The following CNBD1 variants were observed in gnomAD, a reference collection of about 807,000 sequenced individuals.
CNBD1 encodes the protein cyclic nucleotide binding domain containing 1.
CNBD1 carries 71 observed loss-of-function variants against 54.4 expected under a neutral mutation model. The ratio of observed to expected loss-of-function variants is 1.30; its 90% confidence interval spans 1.08 to 1.59. The LOEUF (loss-of-function observed/expected upper bound fraction) is 1.59, where lower values mean the gene tolerates loss of function less well. Among genes scored for constraint, CNBD1 ranks in the 40% most tolerant of loss-of-function variants. The pLI, the probability that CNBD1 is intolerant of heterozygous loss-of-function variation, is 0.00. For synonymous variants in CNBD1, 182 were observed against 170.7 expected (o/e 1.07, Z -0.51); for missense variants, 659 against 518.0 (o/e 1.27, Z -2.64).
chr8:87,025,176 C>T (rs144760257), intron 4 of CNBD1, among the ~76,000 whole-genome samples: 1,645 of 143,636 alleles, frequency 0.011, 26 homozygotes, highest in African/African-American at 0.045. Flanking sequence ...ATCAGCACTC[C>T]GTAAAATGGA....
At chr8:87,352,498 T>C (rs1203994395) in intron 9 of CNBD1, among the ~76,000 whole-genome samples, 2 of 107,796 alleles carry the variant, frequency 1.9e-5, no homozygotes, top group Non-Finnish European at 3.9e-5. Context: ...AAAAAAAAAC[T>C]TATATGAATT....
At chr8:87,352,777 G>A (rs569217409) in intron 9 of CNBD1, among the ~76,000 whole-genome samples, 117 of 152,282 alleles carry the variant, frequency 7.7e-4, no homozygotes, top group Non-Finnish European at 1.2e-3. Context: ...GTTGGTCAGG[G>A]AGACTTCAAT....
At chr8:87,018,157 C>G (rs566673451) in intron 4 of CNBD1, among the ~76,000 whole-genome samples, 1 of 152,266 alleles carries the variant, frequency 6.6e-6, no homozygotes, top group South Asian at 2.1e-4. Context: ...GCAGAAGAAT[C>G]GCTTGAACCT....
chr8:87,149,422 G>A (rs2130746740), intron 4 of CNBD1, among the ~76,000 whole-genome samples: 1 of 152,272 alleles, frequency 6.6e-6, no homozygotes, highest in Middle Eastern at 3.4e-3. Context: ...TGCATTTATA[G>A]TGAATCCAAA....
At chr8:87,377,672 A>G (rs1810979718) in intron 10 of CNBD1, among the ~76,000 whole-genome samples, 1 of 147,660 alleles carries the variant, frequency 6.8e-6, no homozygotes, top group Non-Finnish European at 1.5e-5. Context: ...ATACCCAGTA[A>G]TGGGATGGCT....
chr8:87,400,874 G>T (rs1291817338), intron 2 of CNBD1, among the ~76,000 whole-genome samples: 1 of 151,912 alleles, frequency 6.6e-6, no homozygotes, highest in Non-Finnish European at 1.5e-5. Context: ...ATCATGCTTT[G>T]TTGCCAGCCC....
chr8:87,079,527 A>C (rs1367744634), intron 4 of CNBD1, among the ~76,000 whole-genome samples: 1 of 152,164 alleles, frequency 6.6e-6, no homozygotes, highest in African/African-American at 2.4e-5. Context: ...AATGTGTAGT[A>C]GCATCACATT....
downstream of CNBD1, among the ~76,000 whole-genome samples, chr8:87,383,397 G>T (rs1419607898): frequency 2.6e-5 from 4 of 152,046 alleles, no homozygotes; most frequent in African/African-American, 9.7e-5. Context: ...CCATGTGTCT[G>T]ACACAATATT....
intron 4 of CNBD1, among the ~76,000 whole-genome samples, chr8:86,977,896 A>G (rs1181766923): frequency 6.6e-6 from 1 of 152,188 alleles, no homozygotes; most frequent in Non-Finnish European, 1.5e-5. Flanking sequence ...GATGAGTATT[A>G]TCATGATACC....
At chr8:87,327,135 C>T (rs879525490) in intron 8 of CNBD1, among the ~76,000 whole-genome samples, 3 of 143,058 alleles carry the variant, frequency 2.1e-5, no homozygotes, top group Admixed American at 7.0e-5. Flanking sequence ...GGGTCAGGGA[C>T]CCACTTGAGG....
At chr8:87,008,528 T>TAAAA (rs1809149941) in intron 4 of CNBD1, among the ~76,000 whole-genome samples, 4 of 152,216 alleles carry the variant, frequency 2.6e-5, no homozygotes, top group Non-Finnish European at 5.9e-5. Flanking sequence ...GGTTTACTTT[T>TAAAA]AATGCATGTC....
intron 3 of CNBD1, among the ~76,000 whole-genome samples, chr8:86,919,492 G>A (rs567207365): frequency 2.0e-5 from 3 of 152,240 alleles, no homozygotes; most frequent in Admixed American, 6.5e-5. Context: ...TTTATAGCAC[G>A]ATTCAATCAG....
chr8:87,029,998 A>T (rs1441368723), intron 4 of CNBD1, among the ~76,000 whole-genome samples: 1 of 152,204 alleles, frequency 6.6e-6, no homozygotes, highest in Non-Finnish European at 1.5e-5. Context: ...ATAAATTTAG[A>T]TATGCTTTTT....
At chr8:87,282,923 A>G (rs78026495) in intron 6 of CNBD1, among the ~76,000 whole-genome samples, 2,852 of 152,206 alleles carry the variant, frequency 0.019, 95 homozygotes, top group African/African-American at 0.065. Flanking sequence ...AAGCAAATGC[A>G]TCTTTCAGTT....
chr8:87,135,124 G>T (rs115423516), intron 4 of CNBD1, among the ~76,000 whole-genome samples: 2,672 of 152,010 alleles, frequency 0.018, 93 homozygotes, highest in African/African-American at 0.062. Context: ...CTGATTTCTA[G>T]ATCATTTTGG....
At chr8:87,039,324 C>T (rs150452244) in intron 4 of CNBD1, among the ~76,000 whole-genome samples, 5 of 152,130 alleles carry the variant, frequency 3.3e-5, no homozygotes, top group Non-Finnish European at 7.4e-5. Flanking sequence ...CCTATATTTG[C>T]CTTCCTAATT....
At chr8:87,187,511 T>C (rs1813506267) in intron 4 of CNBD1, among the ~76,000 whole-genome samples, 1 of 151,078 alleles carries the variant, frequency 6.6e-6, no homozygotes, top group South Asian at 2.1e-4. Flanking sequence ...TAACTAAATA[T>C]TGTCACCAGT....
At chr8:87,171,454 A>T (rs1813084660) in intron 4 of CNBD1, among the ~76,000 whole-genome samples, 1 of 151,736 alleles carries the variant, frequency 6.6e-6, no homozygotes, top group Admixed American at 6.6e-5. Context: ...TCTTTAAAAA[A>T]AAACCAACTT....
At chr8:86,928,094 A>G (rs552163346) in intron 3 of CNBD1, among the ~76,000 whole-genome samples, 19 of 152,214 alleles carry the variant, frequency 1.2e-4, no homozygotes, top group African/African-American at 4.6e-4. Context: ...GACTTGACCA[A>G]TACTAGATCT....
Sources: gnomAD v4.1 joint callset for allele counts (sites outside exome capture counted in the v4.1 genomes callset) on GRCh38, gnomAD v4.1.1 for gene constraint, MANE v1.5 for transcripts, NCBI Gene and HGNC (gene_info 2026-07-23, HGNC 2026-07-21) for gene names.